Variants in NRIP3 observed in about 807,000 individuals in gnomAD.
NRIP3 encodes the protein nuclear receptor-interacting protein 3.
In NRIP3, 31 loss-of-function variants were observed where a neutral mutation model predicts 29.0. The observed-to-expected ratio is 1.07, with a 90% confidence interval of 0.80 to 1.44. The LOEUF (loss-of-function observed/expected upper bound fraction) is 1.44, where lower values mean the gene tolerates loss of function less well. NRIP3 is among the 40% of genes most tolerant of loss of function. The pLI, the probability that NRIP3 is intolerant of heterozygous loss-of-function variation, is 0.00. For synonymous variants in NRIP3, 131 were observed against 118.3 expected, an observed-to-expected ratio of 1.11 and a Z score of -0.70; for missense variants, 314 against 297.9, an observed-to-expected ratio of 1.05 and a Z score of -0.40.
Position 8,983,288 on chromosome 11 carries a change from G to A in NRIP3, c.*257C>T. 1.8e-6 allele frequency: 1 copy of A among 552,754 alleles called. No homozygotes were observed. Among genetic ancestry groups the A allele is most frequent in the Non-Finnish European group, 3.2e-6 (1 of 311,056 alleles). 34.2% of individuals were successfully genotyped at this position (552,754 alleles called of 1,614,324 possible). The stretch of plus-strand genomic sequence containing the variant: ...AGAAGCAGAGAAATAGGCCACAAGT[G>A]AGACTGGCAGTGTCAAAAAAGGTCT... On this transcript the variant is annotated 3_prime_UTR_variant, in exon 7 of 7. Coordinates refer to ENST00000309166, the MANE Select transcript of NRIP3 (RefSeq NM_020645.3).
chr11:9,003,999 A>G lies in NRIP3; in HGVS notation c.-64T>C. ...GGCAGCCTCAGCCTCGAGCTCCTCC[A>G]GCGCCGCAAGGGCCCCGAGCCGCGC... On this transcript the variant is annotated 5_prime_UTR_variant, in exon 1 of 7. Transcript: ENST00000309166. The G allele has an allele frequency of 1.4e-6, 2 of 1,380,234 alleles. No homozygotes were observed. The highest frequency in any genetic ancestry group is 7.2e-5 in the Admixed American group (2 of 27,620). The allele number at this position is 1,380,234 out of a possible 1,614,324, so 85.5% of individuals were successfully genotyped here.
intron 2 of NRIP3, 148 bp from the exon 3 acceptor site, chr11:8,987,778 G>A (rs1854540929): frequency 2.9e-6 from 2 of 689,934 alleles, no homozygotes; most frequent in East Asian, 5.4e-5. Flanking sequence ...TTTACCCACT[G>A]CTAAGTCTGC....
At chr11:9,001,204 T>C (rs1043667995) in intron 1 of NRIP3, among the ~76,000 whole-genome samples, 26 of 152,204 alleles carry the variant, frequency 1.7e-4, no homozygotes, top group African/African-American at 6.3e-4. Context: ...CAGAAGACTT[T>C]GTATCAGCCA....
chr11:8,991,113 A>G (rs1422150139), intron 1 of NRIP3, among the ~76,000 whole-genome samples: 1 of 152,272 alleles, frequency 6.6e-6, no homozygotes, highest in Non-Finnish European at 1.5e-5. Flanking sequence ...CATTCTGGCT[A>G]ACACAGTGAA....
Position 8,984,398 on chromosome 11 carries a change from G to A in NRIP3, c.563-274C>T, listed in dbSNP as rs147469839. ...CTGCCTCAGCCTCTGGAGTAGCTGG[G>A]ATTACCAGCACCCACCACCACGCTT... On this transcript the variant is annotated intron_variant, in intron 4 of 6. Coordinates refer to ENST00000309166, the MANE Select transcript of NRIP3 (RefSeq NM_020645.3). 8.1e-4 allele frequency among the ~76,000 whole-genome samples: 124 copies of A among 152,162 alleles called. 3 individuals carry two copies. In the East Asian group the frequency reaches 0.021, roughly 26 times the overall value.
upstream of NRIP3, chr11:9,004,012 C>A: frequency 7.6e-7 from 1 of 1,324,096 alleles, no homozygotes; most frequent in East Asian, 3.2e-5. Flanking sequence ...GCCGCAAGGG[C>A]CCCGAGCCGC....
intron 2 of NRIP3, among the ~76,000 whole-genome samples, 180 bp from the exon 3 acceptor site, chr11:8,987,810 G>C (rs1006098549): frequency 6.6e-6 from 1 of 152,126 alleles, no homozygotes; most frequent in Non-Finnish European, 1.5e-5. Flanking sequence ...TCTTGTTCCT[G>C]CTGAATCCAG....
At chr11:8,992,333 T>G (rs1199579990) in intron 1 of NRIP3, among the ~76,000 whole-genome samples, 1 of 152,124 alleles carries the variant, frequency 6.6e-6, no homozygotes, top group Non-Finnish European at 1.5e-5. Context: ...GCTTTCAGAT[T>G]TCGAGAACAG....
Position 8,983,311 on chromosome 11 carries a change from T to C in NRIP3, c.*234A>G. On this transcript the variant is annotated 3_prime_UTR_variant, in exon 7 of 7. Transcript: ENST00000309166. Reference sequence around the variant, plus strand: ...GTGAGACTGGCAGTGTCAAAAAAGGTCTATAAGTTAAGTGATCAAAGTAGT... The same window carrying C: ...GTGAGACTGGCAGTGTCAAAAAAGGCCTATAAGTTAAGTGATCAAAGTAGT... 1 of 576,430 alleles carries C rather than the reference T, an allele frequency of 1.7e-6. No homozygotes were observed. Among genetic ancestry groups the C allele is most frequent in the South Asian group, 2.3e-5 (1 of 43,044 alleles). The allele number at this position is 576,430 out of a possible 1,614,324, so 35.7% of individuals were successfully genotyped here.
At chr11:8,992,580 G>A (rs111381183) in intron 1 of NRIP3, among the ~76,000 whole-genome samples, 4,321 of 152,284 alleles carry the variant, frequency 0.028, 199 homozygotes, top group African/African-American at 0.098. Context: ...CTATTCAACA[G>A]TAACAGTCAA....
intron 6 of NRIP3, 155 bp downstream of exon 6, chr11:8,983,720 G>C (rs1289109900): frequency 1.2e-6 from 1 of 868,644 alleles, no homozygotes; most frequent in Admixed American, 2.0e-5. Flanking sequence ...GTTTTGTGGG[G>C]TGATGAACTC....
intron 1 of NRIP3, among the ~76,000 whole-genome samples, chr11:8,996,020 T>G (rs12794962): frequency 0.28 from 43,131 of 152,192 alleles, 6,721 homozygotes; most frequent in South Asian, 0.44. Flanking sequence ...CAGAGATACC[T>G]TCCTTGACCA....
intron 1 of NRIP3, among the ~76,000 whole-genome samples, chr11:8,992,002 A>T (rs1854610262): frequency 6.6e-6 from 1 of 152,224 alleles, no homozygotes; most frequent in Non-Finnish European, 1.5e-5. Flanking sequence ...TGTTAGTTTG[A>T]GTCTCTAAAG....
chr11:8,984,293 G>A (rs1008633528), intron 4 of NRIP3, among the ~76,000 whole-genome samples, 169 bp from the exon 5 acceptor site: 4 of 150,108 alleles, frequency 2.7e-5, no homozygotes, highest in Admixed American at 6.6e-5. Flanking sequence ...ATGGAGTTTC[G>A]CTCTTGTTGC....
At chr11:8,994,179 C>A (rs1257840217) in intron 1 of NRIP3, among the ~76,000 whole-genome samples, 1 of 152,162 alleles carries the variant, frequency 6.6e-6, no homozygotes, top group Admixed American at 6.5e-5. Context: ...ATGAATACCC[C>A]AGCTCCAGGC....
At chr11:8,986,228 C>G (rs1443329672) in intron 3 of NRIP3, among the ~76,000 whole-genome samples, 5 of 152,294 alleles carry the variant, frequency 3.3e-5, no homozygotes, top group African/African-American at 1.2e-4. Context: ...TCAGATTAAT[C>G]CTAATTTTAT....
chr11:8,983,608 A>G, intron 6 of NRIP3, 48 bp from the exon 7 acceptor site: 1 of 1,594,284 alleles, frequency 6.3e-7, no homozygotes, highest in Non-Finnish European at 8.6e-7. Context: ...AATTCAAAAA[A>G]AGTTAAGCTG....
At chr11:8,994,979 A>G (rs1481060856) in intron 1 of NRIP3, among the ~76,000 whole-genome samples, 1 of 152,030 alleles carries the variant, frequency 6.6e-6, no homozygotes, top group Non-Finnish European at 1.5e-5. Context: ...CTACTTAGAT[A>G]TTCCACAGGC....
At chr11:8,991,159 G>A (rs1387673275) in intron 1 of NRIP3, among the ~76,000 whole-genome samples, 12 of 152,114 alleles carry the variant, frequency 7.9e-5, no homozygotes, top group Non-Finnish European at 2.9e-5. Context: ...AAATTAGCCA[G>A]GTGTGGTGGT....
Sources: gnomAD v4.1 joint callset for allele counts (sites outside exome capture counted in the v4.1 genomes callset) on GRCh38, gnomAD v4.1.1 for gene constraint, MANE v1.5 for transcripts, NCBI Gene and HGNC (gene_info 2026-07-23, HGNC 2026-07-21) for gene names.